The following FASTKD1 variants were observed in gnomAD, a reference collection of about 807,000 sequenced individuals.
The protein encoded by FASTKD1 is FAST kinase domains 1, also known as FAST kinase domain-containing protein 1, mitochondrial.
A neutral mutation model predicts 90.9 loss-of-function variants in FASTKD1; 94 were observed. The ratio of observed to expected loss-of-function variants is 1.03; its 90% CI spans 0.88 to 1.23. The LOEUF (loss-of-function observed/expected upper bound fraction) is 1.23. Among genes scored for constraint, FASTKD1 ranks in the 50% most tolerant of loss-of-function variants. The probability of loss-of-function intolerance (pLI) is 0.00; values close to 1 mark genes in which losing one functional copy is unlikely to be tolerated. For synonymous variants in FASTKD1, 319 were observed against 345.8 expected, an observed-to-expected ratio of 0.92 and a Z score of 0.86; for missense variants, 945 against 993.5, an observed-to-expected ratio of 0.95 and a Z score of 0.66.
At chr2:169,573,116 C>T (rs1684303639) in intron 1 of FASTKD1, 1 of 152,100 alleles carries the variant, frequency 6.6e-6, no homozygotes, top group Non-Finnish European at 1.5e-5. Flanking sequence ...ACTTGAACAG[C>T]TTCATTACAC....
intron 3 of FASTKD1, among the ~76,000 whole-genome samples, chr2:169,567,921 TGAA>T (rs968257151): frequency 6.8e-4 from 103 of 152,278 alleles, no homozygotes; most frequent in African/African-American, 2.1e-3. Flanking sequence ...CAGAAATAGA[TGAA>T]GATTTCCCAA....
chr2:169,546,915 C>T (rs1019958855), intron 7 of FASTKD1, among the ~76,000 whole-genome samples: 6 of 152,116 alleles, frequency 3.9e-5, no homozygotes, highest in African/African-American at 1.4e-4. Context: ...TTCCAAGCAG[C>T]GGATACCAAC....
At position 169,570,007 on chromosome 2, in the gene FASTKD1, TG is replaced by T. The variant is rs564061051; in HGVS notation, c.378-756del. ...ACCTGAGAAAGGCCACCAAAAAACA[TG>T]GAATCATCCTTTTTCAGTTTAACAT... is the stretch of plus-strand genomic sequence containing the variant. On this transcript the variant is annotated intron_variant, in intron 2 of 14. Transcript: ENST00000453153. Among the ~76,000 whole-genome samples, 489 of 152,260 alleles carry T rather than the reference TG, an allele frequency of 3.2e-3. 6 individuals are homozygous for T. Among genetic ancestry groups the T allele is most frequent in the African/African-American group, 0.011 (467 of 41,548 alleles).
intron 7 of FASTKD1, among the ~76,000 whole-genome samples, chr2:169,550,694 G>A (rs958695602): frequency 2.0e-5 from 3 of 151,848 alleles, no homozygotes; most frequent in Admixed American, 6.6e-5. Context: ...GAACACACCG[G>A]TCTTGAATTC....
chr2:169,531,799 C>A, intron 12 of FASTKD1: 1 of 210,662 alleles, frequency 4.7e-6, no homozygotes, highest in East Asian at 1.0e-4. Flanking sequence ...CTCTTGATTA[C>A]ATTTGGAGAA....
At position 169,531,503 on chromosome 2, in the gene FASTKD1, T is replaced by G. The variant is rs566796953; in HGVS notation, c.2189-13A>C. 6.3e-7 allele frequency: 1 copy of G among 1,586,440 alleles called. No homozygotes were observed. Among genetic ancestry groups the G allele is most frequent in the Non-Finnish European group, 8.6e-7 (1 of 1,169,076 alleles). On this transcript the variant is annotated splice_polypyrimidine_tract_variant and intron_variant, in intron 12 of 14. Transcript: ENST00000453153. ...ATACACTCAAAATCTTAAGGAAGCATAGAAACTGGTAGTATGAATTAGGTA... is the reference window on the plus strand; with the variant it reads ...ATACACTCAAAATCTTAAGGAAGCAGAGAAACTGGTAGTATGAATTAGGTA...
At chr2:169,568,991 T>G (rs1209076939) in intron 3 of FASTKD1, among the ~76,000 whole-genome samples, 193 bp downstream of exon 3, 1 of 138,778 alleles carries the variant, frequency 7.2e-6, no homozygotes, top group African/African-American at 2.7e-5. Flanking sequence ...AGAGTGAGAC[T>G]CCATCTCAAA....
In FASTKD1 at chr2:169,540,142, G is replaced by C. The variant is rs772294206; in HGVS notation, c.1854C>G (p.Phe618Leu). Residue 618 changes from phenylalanine (F) to leucine (L), a missense_variant, in exon 10 of 15, where the codon TTC becomes TTG. By Grantham distance (22) the Phe-to-Leu change is conservative. Coordinates refer to ENST00000453153, the MANE Select transcript of FASTKD1 (RefSeq NM_024622.6). Reference protein sequence around the residue: ...LDPFILVFLGFSLATLEYFPE... With the variant: ...LDPFILVFLGLSLATLEYFPE... ...GAAAATATTCAAGTGTGGCCAAAGA[G>C]AAACCAAGAAACACTAATATAAAAG... is the stretch of plus-strand genomic sequence containing the variant. The C allele has an allele frequency of 6.3e-7, 1 of 1,597,674 alleles. No homozygotes were observed. The highest frequency in any genetic ancestry group is 8.6e-7 in the Non-Finnish European group (1 of 1,168,300).
intron 10 of FASTKD1, among the ~76,000 whole-genome samples, chr2:169,538,679 A>G (rs1392219763): frequency 6.9e-6 from 1 of 145,214 alleles, no homozygotes; most frequent in African/African-American, 2.6e-5. Context: ...CCGTCTCAAA[A>G]AAAAAAAAAA....
intron 7 of FASTKD1, 33 bp from the exon 8 acceptor site, chr2:169,546,737 C>A: frequency 2.6e-6 from 4 of 1,558,068 alleles, no homozygotes; most frequent in Non-Finnish European, 2.6e-6. Context: ...AATACATCAG[C>A]AACAAACCCA....
intron 4 of FASTKD1, among the ~76,000 whole-genome samples, chr2:169,562,377 C>T (rs547088003): frequency 9.9e-5 from 15 of 151,862 alleles, no homozygotes; most frequent in Non-Finnish European, 2.9e-5. Flanking sequence ...GGATTACAGG[C>T]GCCCGCCACC....
At chr2:169,571,425 G>A (rs1329959687) in intron 2 of FASTKD1, among the ~76,000 whole-genome samples, 3 of 151,638 alleles carry the variant, frequency 2.0e-5, no homozygotes, top group African/African-American at 4.8e-5. Flanking sequence ...TTAGCCGGGC[G>A]TGGTGGCAGG....
chr2:169,561,616 G>A (rs1683603471), intron 4 of FASTKD1, among the ~76,000 whole-genome samples: 2 of 150,534 alleles, frequency 1.3e-5, no homozygotes, highest in South Asian at 4.2e-4. Flanking sequence ...TTCCCAGATG[G>A]AAAGAATAAA....
In FASTKD1 at chr2:169,561,964, G is replaced by T. The variant is rs551320962; in HGVS notation, c.573-1179C>A. Among the ~76,000 whole-genome samples, 195 of 119,550 alleles carry T rather than the reference G, an allele frequency of 1.6e-3. 27 individuals carry two copies. The Middle Eastern group carries it at 0.027, about 17-fold the overall frequency. The allele number at this position is 119,550 out of a possible 152,430, so 78.4% of individuals were successfully genotyped here. ...ATTATAAATTAATTATTAATTTATT[G>T]TAAATTAATTATTCATTAATTTATT... On this transcript the variant is annotated intron_variant, in intron 4 of 14. Coordinates refer to ENST00000453153, the MANE Select transcript of FASTKD1 (RefSeq NM_024622.6).
At chr2:169,566,829 A>G (rs930313855) in intron 3 of FASTKD1, among the ~76,000 whole-genome samples, 4 of 152,198 alleles carry the variant, frequency 2.6e-5, no homozygotes, top group African/African-American at 9.7e-5. Flanking sequence ...TTATATTTAT[A>G]AAACAGGCTG....
intron 9 of FASTKD1, 93 bp downstream of exon 9, chr2:169,544,628 G>A: frequency 2.7e-6 from 2 of 733,618 alleles, no homozygotes; most frequent in Non-Finnish European, 4.8e-6. Flanking sequence ...TGTCTATTAT[G>A]GTTACCCTTT....
chr2:169,562,080 T>A lies in FASTKD1; in HGVS notation c.572+1145A>T, dbSNP rs937010775. ...TTATTAATTTATTGTAAAATAATTA[T>A]TTATTAATTTATTGTAAAATAATTA... On this transcript the variant is annotated intron_variant, in intron 4 of 14. Coordinates refer to ENST00000453153, the MANE Select transcript of FASTKD1 (RefSeq NM_024622.6). Among the ~76,000 whole-genome samples the A allele has an allele frequency of 7.5e-5, 10 of 133,338 alleles. 3 individuals carry two copies. The highest frequency in any genetic ancestry group is 1.1e-4 in the Non-Finnish European group (7 of 62,718). The allele number at this position is 133,338 out of a possible 152,430, so 87.5% of individuals were successfully genotyped here. A position where few individuals can be genotyped will look rare whatever the true frequency, so the allele number is the denominator to read the frequency against.
intron 4 of FASTKD1, among the ~76,000 whole-genome samples, chr2:169,561,839 A>T (rs1429056320): frequency 7.3e-6 from 1 of 136,370 alleles, no homozygotes; most frequent in South Asian, 2.3e-4. Context: ...ATTTATTGTA[A>T]ATTATTTATT....
intron 7 of FASTKD1, among the ~76,000 whole-genome samples, chr2:169,550,308 A>C (rs1685430571): frequency 6.6e-6 from 1 of 152,188 alleles, no homozygotes; most frequent in South Asian, 2.1e-4. Context: ...TTAATGATGT[A>C]GTTCTTAATG....
Sources: gnomAD v4.1 joint callset for allele counts (sites outside exome capture counted in the v4.1 genomes callset) on GRCh38, gnomAD v4.1.1 for gene constraint, MANE v1.5 for transcripts, NCBI Gene and HGNC (gene_info 2026-07-23, HGNC 2026-07-21) for gene names.